The following PLEKHM3 variants were observed in gnomAD, a reference collection of about 807,000 sequenced individuals.
PLEKHM3 encodes pleckstrin homology domain containing M3.
A neutral mutation model predicts 81.8 loss-of-function variants in PLEKHM3; 45 were observed. The ratio of observed to expected loss-of-function variants is 0.55; its 90% CI spans 0.43 to 0.71. The LOEUF is 0.71. Among genes scored for constraint, PLEKHM3 ranks in the 30% least tolerant of loss-of-function variants. PLEKHM3 has a pLI of 0.00. For missense variants in PLEKHM3, 788 were observed against 924.3 expected (o/e 0.85, Z 1.91); for synonymous variants, 352 against 356.4 (o/e 0.99, Z 0.14).
intron 3 of PLEKHM3, among the ~76,000 whole-genome samples, chr2:207,975,429 T>C (rs1559264859): frequency 1.3e-5 from 2 of 152,118 alleles, no homozygotes; most frequent in African/African-American, 2.4e-5. Flanking sequence ...TTAAACCTAA[T>C]AGACTTGAAT....
At chr2:207,845,703 TTAA>T (rs1471047041) in intron 7 of PLEKHM3, among the ~76,000 whole-genome samples, 1 of 152,232 alleles carries the variant, frequency 6.6e-6, no homozygotes, top group Non-Finnish European at 1.5e-5. Flanking sequence ...AGAAAATATG[TTAA>T]TAACTACAGA....
chr2:208,015,532 A>G (rs1225759090), intron 1 of PLEKHM3, among the ~76,000 whole-genome samples: 1 of 152,232 alleles, frequency 6.6e-6, no homozygotes, highest in Non-Finnish European at 1.5e-5. Context: ...CTCTACGGGA[A>G]TGGTAGAAGA....
At chr2:207,980,704 G>A (rs1180126959) in intron 2 of PLEKHM3, among the ~76,000 whole-genome samples, 1 of 152,048 alleles carries the variant, frequency 6.6e-6, no homozygotes, top group Non-Finnish European at 1.5e-5. Context: ...AGCCAGCTGA[G>A]AATACAGGTA....
At chr2:208,016,307 A>G (rs1408506459) in intron 1 of PLEKHM3, among the ~76,000 whole-genome samples, 2 of 152,116 alleles carry the variant, frequency 1.3e-5, no homozygotes, top group African/African-American at 4.8e-5. Flanking sequence ...CAAAATAACA[A>G]AATTGAGCCA....
intron 6 of PLEKHM3, among the ~76,000 whole-genome samples, chr2:207,887,502 C>A (rs1029103124): frequency 1.3e-5 from 2 of 152,160 alleles, no homozygotes; most frequent in South Asian, 4.1e-4. Context: ...AAATCAGTGT[C>A]TCATCTATTT....
chr2:207,873,728 A>G (rs1459316175), intron 6 of PLEKHM3, among the ~76,000 whole-genome samples: 1 of 152,200 alleles, frequency 6.6e-6, no homozygotes, highest in Non-Finnish European at 1.5e-5. Flanking sequence ...ACCTCTACAA[A>G]TCCCTTCCTT....
At chr2:207,841,467 AAAAAAAAAAAAAAATATATATATATAT>A (rs2092352233) in intron 7 of PLEKHM3, among the ~76,000 whole-genome samples, 3 of 74,596 alleles carry the variant, frequency 4.0e-5, no homozygotes, top group African/African-American at 1.9e-4. Context: ...AAAAAAAAAA[AAAAAAAAAAAAAAATATATATATATAT>A]ATATATATAT....
chr2:207,892,537 G>A (rs1047766177), intron 6 of PLEKHM3, among the ~76,000 whole-genome samples: 5 of 152,066 alleles, frequency 3.3e-5, no homozygotes, highest in Admixed American at 2.0e-4. Flanking sequence ...TCTCTCCTAC[G>A]CTGAGATGGT....
chr2:207,946,560 C>T (rs10932216), intron 3 of PLEKHM3, 48 bp from the exon 4 acceptor site: 389,941 of 1,594,494 alleles, frequency 0.24, 49,829 homozygotes, highest in Middle Eastern at 0.27. Context: ...GTACTTTTAA[C>T]ACTACAGAAC....
At chr2:207,915,748 T>C (rs1481864966) in intron 5 of PLEKHM3, among the ~76,000 whole-genome samples, 1 of 152,196 alleles carries the variant, frequency 6.6e-6, no homozygotes, top group African/African-American at 2.4e-5. Flanking sequence ...AAATAAAGAA[T>C]ACGGATAAAG....
chr2:207,881,701 G>A (rs982967758), intron 6 of PLEKHM3, among the ~76,000 whole-genome samples: 30 of 152,270 alleles, frequency 2.0e-4, no homozygotes, highest in African/African-American at 6.5e-4. Context: ...GACAGCCTGC[G>A]GTATGGTTGA....
chr2:207,966,805 G>A (rs181029733), intron 3 of PLEKHM3, among the ~76,000 whole-genome samples: 180 of 152,048 alleles, frequency 1.2e-3, no homozygotes, highest in African/African-American at 4.0e-3. Flanking sequence ...CACCCACCTC[G>A]GCCTCCCAAA....
chr2:207,944,782 C>T (rs2105965876), intron 4 of PLEKHM3, among the ~76,000 whole-genome samples: 1 of 152,306 alleles, frequency 6.6e-6, no homozygotes, highest in African/African-American at 2.4e-5. Context: ...TCACGCAATT[C>T]CATCATTCTT....
chr2:207,860,151 C>CTGTGTGTGTGTGTGTG (rs55739776), intron 7 of PLEKHM3, among the ~76,000 whole-genome samples: 1,327 of 110,706 alleles, frequency 0.012, 29 homozygotes, highest in East Asian at 0.024. Flanking sequence ...AACTCTGCCT[C>CTGTGTGTGTGTGTGTG]TGTGTGTGTG....
rs2092500153 is a variant in PLEKHM3 at position 207,866,238 on chromosome 2, C to G, written c.1951-4976G>C. On this transcript the variant is annotated intron_variant, in intron 6 of 7. Coordinates refer to ENST00000427836, the MANE Select transcript of PLEKHM3 (RefSeq NM_001080475.3). ...TGGTGTGATCTAGGCTCACTGCAAC[C>G]TCTGCCTCCCAGCTTCAAGCGATTC... Among the ~76,000 whole-genome samples, 4 of 152,142 alleles carry G rather than the reference C, an allele frequency of 2.6e-5. No homozygotes were observed. In the South Asian group the frequency reaches 8.3e-4, roughly 31 times the overall value.
At chr2:207,860,793 A>C (rs936533923) in intron 7 of PLEKHM3, among the ~76,000 whole-genome samples, 1 of 152,138 alleles carries the variant, frequency 6.6e-6, no homozygotes, top group Non-Finnish European at 1.5e-5. Context: ...CTCTGAAAAA[A>C]TTATTAAGAT....
chr2:207,985,263 C>G lies in PLEKHM3; in HGVS notation c.611-7677G>C, dbSNP rs1380561810. The stretch of plus-strand genomic sequence containing the variant: ...TCTGCTTGTCCAAGTTCTCCTCATA[C>G]TTGAGGGCTAGGATAAAATCTCATC... On this transcript the variant is annotated intron_variant, in intron 2 of 7. Transcript: ENST00000427836. 2.0e-5 allele frequency among the ~76,000 whole-genome samples: 3 copies of G among 151,634 alleles called. No individual in the cohort carries two copies. In the East Asian group the frequency reaches 5.9e-4, roughly 30 times the overall value.
rs993166794 is a variant in PLEKHM3, at chr2:207,824,195, G to A, written c.*4124C>T. The stretch of plus-strand genomic sequence containing the variant: ...TACCGATTCAGGTCACGCAAAGGAG[G>A]GAGGCTCTTTCAAGGTCTTGCTCCA... On this transcript the variant is annotated 3_prime_UTR_variant, in exon 8 of 8. Coordinates refer to ENST00000427836, the MANE Select transcript of PLEKHM3 (RefSeq NM_001080475.3). 2.0e-5 allele frequency: 3 copies of A among 152,194 alleles called. No homozygotes were observed. Among genetic ancestry groups the A allele is most frequent in the Non-Finnish European group, 2.9e-5 (2 of 68,034 alleles). The allele number at this position is 152,194 out of a possible 1,614,324, so 9.4% of individuals were successfully genotyped here. A position where few individuals can be genotyped will look rare whatever the true frequency, so the allele number is the denominator to read the frequency against.
intron 6 of PLEKHM3, among the ~76,000 whole-genome samples, chr2:207,902,770 G>C (rs968374295): frequency 5.3e-5 from 8 of 151,852 alleles, no homozygotes; most frequent in Non-Finnish European, 7.4e-5. Context: ...GTGAGTTCAC[G>C]ATAGTATATG....
Sources: gnomAD v4.1 joint callset for allele counts (sites outside exome capture counted in the v4.1 genomes callset) on GRCh38, gnomAD v4.1.1 for gene constraint, MANE v1.5 for transcripts, NCBI Gene and HGNC (gene_info 2026-07-23, HGNC 2026-07-21) for gene names.